ADORA2B: variants seen among roughly 807,000 people sequenced by gnomAD.
ADORA2B encodes adenosine A2b receptor.
A neutral mutation model predicts 20.8 loss-of-function variants in ADORA2B; 18 were observed. The observed-to-expected ratio is 0.87, with a 90% CI of 0.60 to 1.29. The LOEUF is 1.29. Among genes scored for constraint, ADORA2B ranks in the 50% most tolerant of loss-of-function variants. The probability of loss-of-function intolerance (pLI) is 0.00; values close to 1 mark genes in which losing one functional copy is unlikely to be tolerated. For synonymous variants in ADORA2B, 179 were observed against 178.3 expected, an observed-to-expected ratio of 1.00 and a Z score of -0.03; for missense variants, 441 against 422.7, an observed-to-expected ratio of 1.04 and a Z score of -0.38.
At chr17:15,909,458 G>A in the ADORA2B span, among the ~76,000 whole-genome samples, 1 of 152,210 alleles carries the variant, frequency 6.6e-6, no homozygotes, top group Middle Eastern at 3.2e-3. Context: ...GATAATGCAA[G>A]GGAGGCCCTG....
the ADORA2B span, among the ~76,000 whole-genome samples, chr17:15,928,986 A>T: frequency 6.6e-6 from 1 of 152,034 alleles, no homozygotes; most frequent in Non-Finnish European, 1.5e-5. Flanking sequence ...AAAAGTAGGG[A>T]GAAGAGCTCT....
chr17:15,892,489 C>T, the ADORA2B span, among the ~76,000 whole-genome samples: 1 of 152,096 alleles, frequency 6.6e-6, no homozygotes, highest in Non-Finnish European at 1.5e-5. Flanking sequence ...ATCATGTTGG[C>T]CAGGCTGGTC....
chr17:15,928,180 C>T, the ADORA2B span, among the ~76,000 whole-genome samples: 15 of 151,872 alleles, frequency 9.9e-5, no homozygotes, highest in African/African-American at 3.6e-4. Flanking sequence ...GCCTGAGGGG[C>T]GGCTATTGGG....
At chr17:15,966,172 A>G (rs1239425880) in intron 1 of ADORA2B, among the ~76,000 whole-genome samples, 1 of 152,252 alleles carries the variant, frequency 6.6e-6, no homozygotes, top group African/African-American at 2.4e-5. Context: ...TGTGAGCTAG[A>G]TAGACTATAA....
At chr17:15,918,812 T>C in the ADORA2B span, among the ~76,000 whole-genome samples, 1 of 152,158 alleles carries the variant, frequency 6.6e-6, no homozygotes. Context: ...CCTGCAATAT[T>C]TGGGACAGAC....
the ADORA2B span, among the ~76,000 whole-genome samples, chr17:15,908,028 A>G: frequency 6.6e-6 from 1 of 152,190 alleles, no homozygotes; most frequent in Non-Finnish European, 1.5e-5. Flanking sequence ...AGAAATGTGG[A>G]TCAAAATGTA....
At chr17:15,893,126 T>A in the ADORA2B span, among the ~76,000 whole-genome samples, 65 of 152,348 alleles carry the variant, frequency 4.3e-4, no homozygotes, top group Middle Eastern at 6.8e-3. Context: ...AAATGACTTT[T>A]GCTGCATTGA....
At chr17:15,864,806 C>T in the ADORA2B span, among the ~76,000 whole-genome samples, 2 of 151,954 alleles carry the variant, frequency 1.3e-5, no homozygotes, top group African/African-American at 4.8e-5. Context: ...AAGGCCAGTT[C>T]CTGTAATCCT....
chr17:15,941,744 A>G (rs1969747596), upstream of ADORA2B, among the ~76,000 whole-genome samples: 1 of 151,552 alleles, frequency 6.6e-6, no homozygotes, highest in Non-Finnish European at 1.5e-5. Flanking sequence ...AAAAAAAAAA[A>G]AAGACTAAAT....
At chr17:15,850,992 C>G in the ADORA2B span, among the ~76,000 whole-genome samples, 8 of 152,150 alleles carry the variant, frequency 5.3e-5, no homozygotes, top group Non-Finnish European at 8.8e-5. Context: ...AGGAATATGT[C>G]TGAGACATCT....
At chr17:15,964,863 C>T (rs978842139) in intron 1 of ADORA2B, among the ~76,000 whole-genome samples, 107 of 152,012 alleles carry the variant, frequency 7.0e-4, no homozygotes, top group East Asian at 1.9e-4. Context: ...AGATCGAGAC[C>T]ATCCTGGCTA....
the ADORA2B span, among the ~76,000 whole-genome samples, chr17:15,854,769 T>C: frequency 6.6e-6 from 1 of 152,194 alleles, no homozygotes; most frequent in Non-Finnish European, 1.5e-5. Flanking sequence ...CACAGACAGA[T>C]GTACCAGGAT....
At chr17:15,857,860 G>A in the ADORA2B span, among the ~76,000 whole-genome samples, 1 of 151,852 alleles carries the variant, frequency 6.6e-6, no homozygotes, top group African/African-American at 2.4e-5. Flanking sequence ...TTCTGTGACC[G>A]GCTTCTTTGA....
At chr17:15,925,420 A>G in the ADORA2B span, among the ~76,000 whole-genome samples, 1 of 152,152 alleles carries the variant, frequency 6.6e-6, no homozygotes, top group Non-Finnish European at 1.5e-5. Context: ...AAGTACTGGG[A>G]TTACAGGCAG....
At chr17:15,957,685 C>T (rs540279768) in intron 1 of ADORA2B, among the ~76,000 whole-genome samples, 1 of 152,248 alleles carries the variant, frequency 6.6e-6, no homozygotes, top group South Asian at 2.1e-4. Context: ...AGTTCTTCCA[C>T]CTGGCTCTGG....
chr17:15,930,696 T>C, the ADORA2B span, among the ~76,000 whole-genome samples: 1 of 152,194 alleles, frequency 6.6e-6, no homozygotes, highest in Admixed American at 6.5e-5. Flanking sequence ...CAGAGCACCA[T>C]GGGCACTTAG....
At chr17:15,966,623 G>A (rs1242561912) in intron 1 of ADORA2B, among the ~76,000 whole-genome samples, 1 of 152,224 alleles carries the variant, frequency 6.6e-6, no homozygotes, top group Non-Finnish European at 1.5e-5. Context: ...CCCTCCGTGT[G>A]ACTGTTTTTC....
At chr17:15,954,394 C>CT (rs1436799678) in intron 1 of ADORA2B, among the ~76,000 whole-genome samples, 1 of 152,192 alleles carries the variant, frequency 6.6e-6, no homozygotes, top group Non-Finnish European at 1.5e-5. Flanking sequence ...GGAAGCATGC[C>CT]TTCCCACATC....
chr17:15,950,490 G>A (rs1969885386), intron 1 of ADORA2B, among the ~76,000 whole-genome samples: 2 of 152,150 alleles, frequency 1.3e-5, no homozygotes, highest in South Asian at 4.1e-4. Context: ...TTACCAGGAT[G>A]CCACTGAATT....
Sources: allele counts gnomAD v4.1 joint callset (sites outside exome capture counted in the v4.1 genomes callset), GRCh38; gene constraint gnomAD v4.1.1; transcripts MANE v1.5; gene names NCBI Gene and HGNC (gene_info 2026-07-23, HGNC 2026-07-21).